Variants in S100PBP observed in about 807,000 individuals in gnomAD.
S100PBP encodes the protein S100P-binding protein.
In S100PBP, 15 loss-of-function variants were observed where a neutral mutation model predicts 39.9. The observed-to-expected ratio is 0.38, with a 90% CI of 0.25 to 0.58. The LOEUF (loss-of-function observed/expected upper bound fraction) is 0.58, where lower values mean the gene tolerates loss of function less well. Ranked by LOEUF, S100PBP falls within the 20% of genes least tolerant of loss-of-function variation. The pLI, the probability that S100PBP is intolerant of heterozygous loss-of-function variation, is 0.70. For missense variants in S100PBP, 504 were observed against 487.3 expected (o/e 1.03, Z -0.32); for synonymous variants, 178 against 180.3 (o/e 0.99, Z 0.10).
At chr1:32,842,221 G>GCATATATA (rs1640139575) in intron 5 of S100PBP, among the ~76,000 whole-genome samples, 1 of 91,756 alleles carries the variant, frequency 1.1e-5, no homozygotes, top group Non-Finnish European at 2.0e-5. Flanking sequence ...ATATATATAT[G>GCATATATA]TATATATATA....
rs201978159 is a variant in S100PBP at position 32,826,184 on chromosome 1, T to A, written c.85T>A (p.Leu29Met). Residue 29 changes from leucine (L) to methionine (M), a missense_variant, in exon 3 of 7, where the codon TTG becomes ATG. Transcript: ENST00000373475. ...KDGAPFSWDS[L>M]DEDGLDDSLL... ...CGGTGCCCCATTTTCTTGGGATTCCTTGGATGAGGATGGATTGGATGACTC... is the reference window on the plus strand; with the variant it reads ...CGGTGCCCCATTTTCTTGGGATTCCATGGATGAGGATGGATTGGATGACTC... 73 of 1,614,130 alleles carry A rather than the reference T, an allele frequency of 4.5e-5. No homozygotes were observed. In the East Asian group the frequency reaches 1.6e-3, roughly 36 times the overall value.
intron 5 of S100PBP, among the ~76,000 whole-genome samples, chr1:32,845,978 CTTAA>C (rs1419430770): frequency 2.6e-5 from 4 of 151,676 alleles, no homozygotes; most frequent in African/African-American, 9.7e-5. Context: ...TGGGCCTTGC[CTTAA>C]TTAATTTATT....
upstream of S100PBP, chr1:32,817,403 G>T: frequency 1.2e-6 from 1 of 857,472 alleles, no homozygotes; most frequent in Non-Finnish European, 1.8e-6. Context: ...TCCGGCAGCG[G>T]CCGGAAAAAG....
At chr1:32,830,536 A>G (rs773240816) in intron 5 of S100PBP, among the ~76,000 whole-genome samples, 2 of 152,190 alleles carry the variant, frequency 1.3e-5, no homozygotes, top group Admixed American at 6.5e-5. Context: ...GCTACCTTCC[A>G]GATCCTTCAA....
chr1:32,840,901 C>T (rs1488800364), intron 5 of S100PBP, among the ~76,000 whole-genome samples: 1 of 151,764 alleles, frequency 6.6e-6, no homozygotes, highest in East Asian at 1.9e-4. Context: ...TGGCTCAAGC[C>T]TGTAATCCCA....
chr1:32,842,180 CAAAAAAAA>C (rs139787430), intron 5 of S100PBP, among the ~76,000 whole-genome samples: 1 of 56,418 alleles, frequency 1.8e-5, no homozygotes, highest in Admixed American at 2.3e-4. Context: ...AAGACTGTCT[CAAAAAAAA>C]AAAAAAAAAA....
intron 5 of S100PBP, among the ~76,000 whole-genome samples, chr1:32,843,944 C>T (rs1022866659): frequency 7.9e-5 from 12 of 151,502 alleles, no homozygotes; most frequent in African/African-American, 1.5e-4. Context: ...GATGGAGTCT[C>T]GCTGTGTCAC....
chr1:32,842,200 A>T (rs1461078177), intron 5 of S100PBP, among the ~76,000 whole-genome samples: 66 of 110,396 alleles, frequency 6.0e-4, no homozygotes, highest in African/African-American at 2.3e-3. Flanking sequence ...AAAAAAAAAA[A>T]AAACATATAT....
In S100PBP at chr1:32,856,369, CCT is replaced by C. The variant is rs1357892833; in HGVS notation, c.*336_*337del. 1.8e-5 allele frequency: 3 copies of C among 171,224 alleles called. No homozygotes were observed. The highest frequency in any genetic ancestry group is 7.2e-5 in the African/African-American group (3 of 41,638). 10.6% of individuals were successfully genotyped at this position (171,224 alleles called of 1,614,324 possible). A position where few individuals can be genotyped will look rare whatever the true frequency, so the allele number is the denominator to read the frequency against. ...CACCCAGGTTCAAGCAAAAGACCCACCTCTCTGCAGAGGCAAAGTCTACTTTC... is the reference window on the plus strand; with the variant it reads ...CACCCAGGTTCAAGCAAAAGACCCACCTCTGCAGAGGCAAAGTCTACTTTC... On this transcript the variant is annotated 3_prime_UTR_variant, in exon 7 of 7. Transcript: ENST00000373475.
chr1:32,831,420 T>G (rs1170826082), intron 5 of S100PBP, among the ~76,000 whole-genome samples: 1 of 152,016 alleles, frequency 6.6e-6, no homozygotes, highest in Non-Finnish European at 1.5e-5. Context: ...AGATCTATTG[T>G]AAATCACTGG....
chr1:32,831,755 A>C lies in S100PBP; in HGVS notation c.1024+1688A>C, dbSNP rs547810676. On this transcript the variant is annotated intron_variant, in intron 5 of 6. Transcript: ENST00000373475. ...GCAAATTTAAAAGAAACCTGTCTAT[A>C]TTCAAGCTCTGTGGAACAGGCCTAG... 5.7e-4 allele frequency among the ~76,000 whole-genome samples: 86 copies of C among 152,172 alleles called. 2 individuals are homozygous for C. The South Asian group carries it at 0.018, about 31-fold the overall frequency.
chr1:32,822,050 A>G (rs969848078), intron 1 of S100PBP, among the ~76,000 whole-genome samples: 6 of 152,112 alleles, frequency 3.9e-5, no homozygotes, highest in Admixed American at 1.3e-4. Flanking sequence ...GATACTGATT[A>G]TTTTTTAGCC....
chr1:32,844,310 C>G (rs1015358979), intron 5 of S100PBP, among the ~76,000 whole-genome samples: 9 of 152,122 alleles, frequency 5.9e-5, no homozygotes, highest in African/African-American at 2.4e-5. Flanking sequence ...CTCTGCCTCC[C>G]AAAGTGTTGG....
intron 1 of S100PBP, chr1:32,824,914 A>G (rs1242970325): frequency 2.7e-5 from 4 of 149,052 alleles, no homozygotes; most frequent in African/African-American, 1.0e-4. Context: ...ATTGCCTAGC[A>G]CCCCTTTTCC....
chr1:32,855,468 G>C (rs933773572), intron 6 of S100PBP, among the ~76,000 whole-genome samples: 2 of 152,132 alleles, frequency 1.3e-5, no homozygotes, highest in African/African-American at 2.4e-5. Context: ...ACCTTTCTGG[G>C]AATTTATTCT....
intron 6 of S100PBP, among the ~76,000 whole-genome samples, 194 bp downstream of exon 6, chr1:32,853,360 G>T (rs1375146473): frequency 6.6e-6 from 1 of 151,724 alleles, no homozygotes; most frequent in Non-Finnish European, 1.5e-5. Flanking sequence ...TGTAGTCCCA[G>T]CCTCAGGAGG....
chr1:32,827,526 C>T (rs1417879807), intron 3 of S100PBP, among the ~76,000 whole-genome samples: 1 of 152,100 alleles, frequency 6.6e-6, no homozygotes, highest in Non-Finnish European at 1.5e-5. Context: ...CTCTGTCCCT[C>T]AGGCTGCAGT....
At chr1:32,842,227 A>ATATATATATG (rs1640143914) in intron 5 of S100PBP, among the ~76,000 whole-genome samples, 1 of 78,242 alleles carries the variant, frequency 1.3e-5, no homozygotes, top group African/African-American at 6.5e-5. Flanking sequence ...ATATGTATAT[A>ATATATATATG]TATATATATA....
At chr1:32,823,667 A>G (rs1639186948) in intron 1 of S100PBP, among the ~76,000 whole-genome samples, 1 of 152,134 alleles carries the variant, frequency 6.6e-6, no homozygotes, top group Non-Finnish European at 1.5e-5. Context: ...GAACTCTATA[A>G]TCCCTCCCTT....
Sources: allele counts gnomAD v4.1 joint callset (sites outside exome capture counted in the v4.1 genomes callset), GRCh38; gene constraint gnomAD v4.1.1; transcripts MANE v1.5; gene names NCBI Gene and HGNC (gene_info 2026-07-23, HGNC 2026-07-21).